Variants in PLD1 observed in about 807,000 individuals in gnomAD.
PLD1 encodes the protein choline phosphatase 1.
A neutral mutation model predicts 137.1 loss-of-function variants in PLD1; 112 were observed. That is an observed-to-expected ratio of 0.82 (90% CI 0.70 to 0.96). PLD1 has a LOEUF of 0.96. Among genes scored for constraint, PLD1 ranks in the 40% least tolerant of loss-of-function variants. The pLI, the probability that PLD1 is intolerant of heterozygous loss-of-function variation, is 0.00. For missense variants in PLD1, 1,321 were observed against 1,342.0 expected, an observed-to-expected ratio of 0.98 and a Z score of 0.24; for synonymous variants, 431 against 454.7, an observed-to-expected ratio of 0.95 and a Z score of 0.66.
intron 23 of PLD1, among the ~76,000 whole-genome samples, chr3:171,639,848 C>CTCTCTCTATA (rs3050415): frequency 1.2e-3 from 133 of 110,168 alleles, no homozygotes; most frequent in Middle Eastern, 5.0e-3. Context: ...CTCTCTCTCT[C>CTCTCTCTATA]TATATATATA....
At chr3:171,678,101 A>T (rs1289229885) in intron 16 of PLD1, among the ~76,000 whole-genome samples, 2 of 152,152 alleles carry the variant, frequency 1.3e-5, no homozygotes, top group Non-Finnish European at 2.9e-5. Flanking sequence ...GGAGAGGTGG[A>T]GAAACCTGAG....
intron 21 of PLD1, among the ~76,000 whole-genome samples, chr3:171,655,111 G>C (rs941598369): frequency 1.8e-4 from 28 of 152,158 alleles, no homozygotes; most frequent in African/African-American, 6.8e-4. Context: ...GTGAGGCCTG[G>C]CTGACTGCGG....
At chr3:171,692,572 G>A in intron 12 of PLD1, 130 bp from the exon 13 acceptor site, 1 of 589,258 alleles carries the variant, frequency 1.7e-6, no homozygotes, top group Admixed American at 3.0e-5. Context: ...CCAGCCTGGA[G>A]TGCAGTGGCG....
chr3:171,794,599 T>C (rs1446348882), intron 1 of PLD1, among the ~76,000 whole-genome samples: 2 of 152,032 alleles, frequency 1.3e-5, no homozygotes, highest in African/African-American at 4.8e-5. Context: ...TAGGAGGTGA[T>C]AGAGAAAATG....
chr3:171,679,869 T>A (rs113944503), intron 16 of PLD1, among the ~76,000 whole-genome samples: 2,131 of 152,280 alleles, frequency 0.014, 49 homozygotes, highest in African/African-American at 0.045. Flanking sequence ...TACATGAGTG[T>A]GGTCGAGAGG....
intron 9 of PLD1, among the ~76,000 whole-genome samples, chr3:171,710,457 T>A (rs914877132): frequency 6.6e-6 from 1 of 152,316 alleles, no homozygotes; most frequent in Middle Eastern, 3.4e-3. Context: ...GGAAGTGATA[T>A]GATTCTCGTG....
intron 1 of PLD1, among the ~76,000 whole-genome samples, chr3:171,777,761 T>C (rs1722639190): frequency 6.6e-6 from 1 of 152,124 alleles, no homozygotes; most frequent in African/African-American, 2.4e-5. Flanking sequence ...CAAACCCATG[T>C]CCTCTACAAA....
chr3:171,607,348 A>G (rs759224284), intron 25 of PLD1, among the ~76,000 whole-genome samples: 1 of 152,158 alleles, frequency 6.6e-6, no homozygotes, highest in South Asian at 2.1e-4. Flanking sequence ...CAGATTTAAG[A>G]AGCTGAAAAT....
intron 1 of PLD1, among the ~76,000 whole-genome samples, chr3:171,775,669 C>T (rs1722564263): frequency 6.6e-6 from 1 of 152,138 alleles, no homozygotes; most frequent in South Asian, 2.1e-4. Flanking sequence ...ATGGTGAAAC[C>T]CCGTCTCTAC....
At chr3:171,656,255 C>T (rs1199430586) in intron 21 of PLD1, among the ~76,000 whole-genome samples, 1 of 151,998 alleles carries the variant, frequency 6.6e-6, no homozygotes, top group Non-Finnish European at 1.5e-5. Flanking sequence ...ACTGCAATCT[C>T]CACCTCCTGG....
At chr3:171,651,882 A>T (rs1219649400) in intron 21 of PLD1, among the ~76,000 whole-genome samples, 1 of 152,198 alleles carries the variant, frequency 6.6e-6, no homozygotes. Context: ...GCTCAGGCTC[A>T]AAATGAGTGC....
intron 25 of PLD1, among the ~76,000 whole-genome samples, chr3:171,607,086 A>T (rs939065735): frequency 5.3e-5 from 8 of 152,224 alleles, no homozygotes; most frequent in South Asian, 2.1e-4. Context: ...AAATTTTTTT[A>T]AAATGGATCT....
chr3:171,685,244 A>G (rs1714431968), intron 16 of PLD1, among the ~76,000 whole-genome samples: 1 of 152,170 alleles, frequency 6.6e-6, no homozygotes, highest in African/African-American at 2.4e-5. Context: ...CCTGCCCTAG[A>G]TGAAAGAATG....
At chr3:171,734,202 G>T (rs950328461) in intron 5 of PLD1, among the ~76,000 whole-genome samples, 10 of 152,176 alleles carry the variant, frequency 6.6e-5, no homozygotes, top group African/African-American at 2.4e-4. Flanking sequence ...TGCCTACAAA[G>T]ATTTTAAACA....
At chr3:171,611,450 A>G in intron 25 of PLD1, 2 of 368,820 alleles carry the variant, frequency 5.4e-6, no homozygotes, top group South Asian at 4.1e-5. Context: ...GGACGTGGAC[A>G]GTTACAGCGC....
intron 25 of PLD1, among the ~76,000 whole-genome samples, chr3:171,609,885 C>T (rs886567768): frequency 1.3e-5 from 2 of 152,072 alleles, no homozygotes; most frequent in African/African-American, 4.8e-5. Context: ...TGTACCTGTA[C>T]TCCTTAATTG....
rs1049881514 is a variant in PLD1 at position 171,765,998 on chromosome 3, A to C, written c.-31-27916T>G. On this transcript the variant is annotated intron_variant, in intron 1 of 26. Transcript: ENST00000351298. The stretch of plus-strand genomic sequence containing the variant: ...TAAGCTTGACACAGAAAAGTCAAAA[A>C]GGTGTTTCCTAACATGATGTATAAG... 4.6e-5 allele frequency among the ~76,000 whole-genome samples: 7 copies of C among 152,226 alleles called. No individual in the cohort carries two copies. In the East Asian group the frequency reaches 1.3e-3, roughly 29 times the overall value.
At chr3:171,724,817 C>T (rs759112169) in intron 7 of PLD1, 29 bp from the exon 8 acceptor site, 2 of 1,405,188 alleles carry the variant, frequency 1.4e-6, no homozygotes, top group African/African-American at 1.4e-5. Flanking sequence ...TAACCCATCA[C>T]CTTCAAATTT....
At chr3:171,746,169 C>A (rs1318472080) in intron 1 of PLD1, among the ~76,000 whole-genome samples, 2 of 152,224 alleles carry the variant, frequency 1.3e-5, no homozygotes, top group African/African-American at 2.4e-5. Context: ...CCCCTCCCCT[C>A]CGCGGGCTCC....
Sources: allele counts gnomAD v4.1 joint callset (sites outside exome capture counted in the v4.1 genomes callset), GRCh38; gene constraint gnomAD v4.1.1; transcripts MANE v1.5; gene names NCBI Gene and HGNC (gene_info 2026-07-23, HGNC 2026-07-21).